The following TIAM2 variants were observed in gnomAD, a reference collection of about 807,000 sequenced individuals.
TIAM2 encodes rho guanine nucleotide exchange factor TIAM2.
Under a neutral mutation model 152.9 loss-of-function variants are expected in TIAM2, and 80 were observed. The ratio of observed to expected loss-of-function variants is 0.52; its 90% CI spans 0.44 to 0.63. The LOEUF is 0.63. Ranked by LOEUF, TIAM2 falls within the 30% of genes least tolerant of loss-of-function variation. The probability of loss-of-function intolerance (pLI) is 0.00; values close to 1 mark genes in which losing one functional copy is unlikely to be tolerated. For synonymous variants in TIAM2, 804 were observed against 838.0 expected (o/e 0.96, Z 0.70); for missense variants, 1,965 against 2,120.1 (o/e 0.93, Z 1.44).
At chr6:154,998,593 T>C (rs542933235) in intron 1 of TIAM2, among the ~76,000 whole-genome samples, 2 of 152,342 alleles carry the variant, frequency 1.3e-5, no homozygotes, top group African/African-American at 4.8e-5. Context: ...ATGTGAATTA[T>C]CATGCAAGCA....
At chr6:155,104,545 C>T (rs1347790364) in intron 2 of TIAM2, among the ~76,000 whole-genome samples, 1 of 152,092 alleles carries the variant, frequency 6.6e-6, no homozygotes, top group Non-Finnish European at 1.5e-5. Flanking sequence ...ATCATGAGGT[C>T]AGGAGATCGA....
Position 155,129,440 on chromosome 6 carries a change from C to T in TIAM2, c.217C>T (p.Pro73Ser), listed in dbSNP as rs1779381357. 1.2e-6 allele frequency: 2 copies of T among 1,614,118 alleles called. No individual in the cohort carries two copies. The highest frequency in any genetic ancestry group is 1.1e-5 in the South Asian group (1 of 91,072). Reference protein sequence around the residue: ...SCLSHFKSNQPYASRLGGPTC... With the variant: ...SCLSHFKSNQSYASRLGGPTC... The stretch of plus-strand genomic sequence containing the variant: ...CCTTTCTCACTTTAAGAGTAACCAG[C>T]CTTACGCATCGAGACTCGGTGGCCC... Residue 73 changes from proline to serine, a missense_variant, in exon 4 of 27, where the codon CCT becomes TCT. Transcript: ENST00000682666. The surrounding 1 kb of genome is among the most constrained non-coding windows in gnomAD (Gnocchi z 4.8).
At chr6:155,137,103 C>T in intron 4 of TIAM2, 74 bp from the exon 5 acceptor site, 2 of 1,499,580 alleles carry the variant, frequency 1.3e-6, no homozygotes, top group Non-Finnish European at 1.8e-6. Context: ...TGGTATTACA[C>T]TTATGCTGTG....
chr6:155,128,525 C>T (rs1316119808), intron 3 of TIAM2, among the ~76,000 whole-genome samples: 1 of 152,046 alleles, frequency 6.6e-6, no homozygotes, highest in Non-Finnish European at 1.5e-5. Context: ...TGTATTTAGA[C>T]TGACAGAATA....
At chr6:155,043,432 G>A (rs1053524576) in intron 1 of TIAM2, among the ~76,000 whole-genome samples, 1 of 151,986 alleles carries the variant, frequency 6.6e-6, no homozygotes, top group African/African-American at 2.4e-5. Context: ...AGGAGTTCGA[G>A]ACTAGCCTGG....
At chr6:155,239,365 G>A (rs1782918926) in intron 15 of TIAM2, among the ~76,000 whole-genome samples, 2 of 152,202 alleles carry the variant, frequency 1.3e-5, no homozygotes, top group African/African-American at 4.8e-5. Flanking sequence ...TGGCCAGTGA[G>A]CTGGCTGCTG....
At chr6:155,175,090 G>A (rs1562342368) in intron 9 of TIAM2, among the ~76,000 whole-genome samples, 1 of 152,308 alleles carries the variant, frequency 6.6e-6, no homozygotes, top group South Asian at 2.1e-4. Flanking sequence ...TGTCCGGGCT[G>A]GTTCCTGGCA....
At chr6:155,131,370 A>G (rs888776911) in intron 4 of TIAM2, among the ~76,000 whole-genome samples, 3 of 151,962 alleles carry the variant, frequency 2.0e-5, no homozygotes, top group African/African-American at 7.2e-5. Flanking sequence ...AAGTAAGTAC[A>G]GAGTTGGAGA....
At chr6:155,108,304 G>A (rs542378839) in intron 2 of TIAM2, among the ~76,000 whole-genome samples, 14 of 152,232 alleles carry the variant, frequency 9.2e-5, no homozygotes, top group African/African-American at 3.4e-4. Context: ...TGTGGTTCAG[G>A]CAGGTTACAG....
chr6:155,117,994 G>A (rs1779054811), intron 2 of TIAM2, among the ~76,000 whole-genome samples: 1 of 152,090 alleles, frequency 6.6e-6, no homozygotes, highest in Non-Finnish European at 1.5e-5. Flanking sequence ...TTTCTTCCTG[G>A]GCCAACACTG....
At chr6:155,166,168 G>A (rs1011270565) in intron 9 of TIAM2, among the ~76,000 whole-genome samples, 2 of 152,060 alleles carry the variant, frequency 1.3e-5, no homozygotes, top group South Asian at 2.1e-4. Context: ...AAGAGGTTAC[G>A]TCACTTACCT....
At chr6:155,085,800 G>A (rs1002548979) in intron 1 of TIAM2, among the ~76,000 whole-genome samples, 1 of 152,220 alleles carries the variant, frequency 6.6e-6, no homozygotes, top group Non-Finnish European at 1.5e-5. Context: ...AAAAGCATGA[G>A]CCATCAGTCT....
In TIAM2 at chr6:155,213,690, T is replaced by C. The variant is rs1198499022; in HGVS notation, c.3168+2383T>C. 6.6e-6 allele frequency among the ~76,000 whole-genome samples: 1 copy of C among 152,196 alleles called. No homozygotes were observed. Among genetic ancestry groups the C allele is most frequent in the Admixed American group, 6.5e-5 (1 of 15,288 alleles). Reference sequence around the variant, plus strand: ...GAGCCTGTCTGCGTCCTGCCACTCTTCCTGGTGCCCAGGCTGTTTGTGCCA... The same window carrying C: ...GAGCCTGTCTGCGTCCTGCCACTCTCCCTGGTGCCCAGGCTGTTTGTGCCA... On this transcript the variant is annotated intron_variant, in intron 15 of 26. Transcript: ENST00000682666. This position sits in a 1 kb window ranked among gnomAD's most constrained non-coding sequence, Gnocchi z 4.2.
intron 2 of TIAM2, among the ~76,000 whole-genome samples, chr6:155,098,133 T>A (rs930903612): frequency 3.9e-5 from 6 of 152,218 alleles, no homozygotes; most frequent in African/African-American, 1.2e-4. Context: ...TTCTTATTGA[T>A]CTATACCTTT....
intron 15 of TIAM2, among the ~76,000 whole-genome samples, chr6:155,221,078 T>C (rs1300961656): frequency 6.7e-6 from 1 of 149,362 alleles, no homozygotes; most frequent in African/African-American, 2.5e-5. Context: ...TGTCCCTGCT[T>C]TCTTCTTTTC....
In TIAM2 at chr6:155,214,222, C is replaced by T. The variant is rs931921528; in HGVS notation, c.3168+2915C>T. ...GCTCCATGGAACGCACAGCGCTGGC[C>T]GTGCCTCCCCCGGTGCAGCCGGCAT... is the stretch of plus-strand genomic sequence containing the variant. On this transcript the variant is annotated intron_variant, in intron 15 of 26. Transcript: ENST00000682666. The surrounding 1 kb of genome is among the most constrained non-coding windows in gnomAD (Gnocchi z 5.4). Among the ~76,000 whole-genome samples, 4 of 152,214 alleles carry T rather than the reference C, an allele frequency of 2.6e-5. No homozygotes were observed. The highest frequency in any genetic ancestry group is 2.1e-4 in the South Asian group (1 of 4,830).
rs758829176 is a variant in TIAM2 at position 155,164,415 on chromosome 6, A to G, written c.2029A>G (p.Ile677Val). The change falls in exon 8 of 27, where the codon ATC (isoleucine) becomes GTC (valine). Residue 677 changes from isoleucine to valine, a missense_variant and splice_region_variant. Ile to Val is a conservative substitution (Grantham distance 29). Around this residue, in one of 3 missense-constraint regions of TIAM2, gnomAD observed 1,025 missense variants for 1,119.4 expected, o/e 0.92. Coordinates refer to ENST00000682666, the MANE Select transcript of TIAM2 (RefSeq NM_012454.4). ...AAATCACCTCTGTTTTTGCTTTAAG[A>G]TCCAGCAATGGGAGCAGAATCTTGA... ...PKNRKAIENQ[I>V]QQWEQNLEKF... 1 of 1,571,898 alleles carries G rather than the reference A, an allele frequency of 6.4e-7. No homozygotes were observed. Among genetic ancestry groups the G allele is most frequent in the Non-Finnish European group, 8.7e-7 (1 of 1,151,310 alleles).
chr6:155,254,210 G>A, intron 25 of TIAM2, 150 bp downstream of exon 25: 1 of 983,994 alleles, frequency 1.0e-6, no homozygotes, highest in Admixed American at 2.8e-5. Context: ...CCGCTAGTAG[G>A]AGACTATGTT....
In TIAM2 at chr6:155,127,354, G is replaced by C. The variant is rs138076591; in HGVS notation, c.-117-136G>C. On this transcript the variant is annotated intron_variant, in intron 2 of 26. Transcript: ENST00000682666. ...CTGATGAATCACACGGTTCACAGAC[G>C]TTTCATTTATTACCTTGACAGTGAC... is the stretch of plus-strand genomic sequence containing the variant. The C allele has an allele frequency of 2.7e-5, 9 of 337,612 alleles. No homozygotes were observed. In the East Asian group the frequency reaches 7.4e-4, roughly 28 times the overall value. 20.9% of individuals were successfully genotyped at this position (337,612 alleles called of 1,614,324 possible). A position where few individuals can be genotyped will look rare whatever the true frequency, so the allele number is the denominator to read the frequency against.
Sources: gnomAD v4.1 joint callset for allele counts (sites outside exome capture counted in the v4.1 genomes callset) on GRCh38, gnomAD v4.1.1 for gene constraint, gnomAD v4.1.1 regional missense constraint, Gnocchi (gnomAD v3.1) non-coding constraint, MANE v1.5 for transcripts, NCBI Gene and HGNC (gene_info 2026-07-23, HGNC 2026-07-21) for gene names.